Variants in SMAD1 observed in about 807,000 individuals in gnomAD.
The protein encoded by SMAD1 is SMAD family member 1.
SMAD1 carries 6 observed loss-of-function variants against 41.6 expected under a neutral mutation model. The ratio of observed to expected loss-of-function variants is 0.14; its 90% CI spans 0.08 to 0.28. The LOEUF is 0.28. SMAD1 is among the 10% of genes least tolerant of loss of function. SMAD1 has a pLI of 1.00. For missense variants in SMAD1, 379 were observed against 582.6 expected (o/e 0.65, Z 3.60); for synonymous variants, 206 against 203.2 (o/e 1.01, Z -0.12).
intron 1 of SMAD1, chr4:145,497,169 C>T (rs1329928711): frequency 1.3e-5 from 2 of 152,134 alleles, no homozygotes; most frequent in Admixed American, 1.3e-4. Flanking sequence ...ATTGTAGAAG[C>T]AATAGTTAAT....
chr4:145,557,657 C>T, intron 6 of SMAD1, 134 bp from the exon 7 acceptor site: 2 of 609,590 alleles, frequency 3.3e-6, no homozygotes, highest in East Asian at 2.9e-5. Context: ...TTTTTTTCTC[C>T]CCAGGGGCGG....
intron 2 of SMAD1, among the ~76,000 whole-genome samples, chr4:145,516,727 G>A (rs918918411): frequency 1.3e-5 from 2 of 152,164 alleles, no homozygotes; most frequent in Non-Finnish European, 2.9e-5. Context: ...AATGGAAATG[G>A]AGCTAAGAGT....
rs1731819517 is a variant in SMAD1, at chr4:145,539,849, A to G, written c.446A>G (p.Gln149Arg). The G allele has an allele frequency of 6.2e-7, 1 of 1,613,938 alleles. No homozygotes were observed. The highest frequency in any genetic ancestry group is 1.3e-5 in the African/African-American group (1 of 74,876). The change falls in exon 3 of 7, where the codon CAG becomes CGG. Residue 149 changes from glutamine to arginine, a missense_variant. Physicochemically the swap from Gln to Arg is conservative, Grantham distance 43. Coordinates refer to ENST00000302085, the MANE Select transcript of SMAD1 (RefSeq NM_005900.3). Reference sequence around the variant, plus strand: ...CCAAGACACAGCGAATATAATCCTCAGCACAGCCTCTTAGCTCAGTTCCGT... The same window carrying G: ...CCAAGACACAGCGAATATAATCCTCGGCACAGCCTCTTAGCTCAGTTCCGT... ...LVPRHSEYNP[Q>R]HSLLAQFRNL...
At chr4:145,517,243 A>T (rs1002956724) in intron 2 of SMAD1, 2 of 152,362 alleles carry the variant, frequency 1.3e-5, no homozygotes, top group South Asian at 4.1e-4. Flanking sequence ...TTCTCTGGAA[A>T]CATTCCATGC....
At position 145,514,819 on chromosome 4, in the gene SMAD1, G is replaced by A; in HGVS notation, c.206G>A (p.Arg69His). The A allele has an allele frequency of 1.9e-6, 3 of 1,614,044 alleles. No individual in the cohort carries two copies. The highest frequency in any genetic ancestry group is 1.1e-5 in the South Asian group (1 of 91,070). Residue 69 changes from arginine (R) to histidine (H), a missense_variant, in exon 2 of 7, where the codon CGC becomes CAC. Physicochemically the swap from Arg to His is conservative, Grantham distance 29. Around this residue, in one of 3 missense-constraint regions of SMAD1, gnomAD observed 64 missense variants for 153.9 expected, o/e 0.42. Coordinates refer to ENST00000302085, the MANE Select transcript of SMAD1 (RefSeq NM_005900.3). This position sits in a 1 kb window ranked among gnomAD's most constrained non-coding sequence, Gnocchi z 4.7. The stretch of plus-strand genomic sequence containing the variant: ...CCGAGTAACTGTGTCACCATTCCCC[G>A]CTCTCTGGATGGCAGGCTGCAAGTC... ...GQPSNCVTIP[R>H]SLDGRLQVSH...
chr4:145,527,484 A>C (rs1731087081), intron 2 of SMAD1, among the ~76,000 whole-genome samples: 1 of 152,010 alleles, frequency 6.6e-6, no homozygotes, highest in Non-Finnish European at 1.5e-5. Context: ...CGGCCTCCCA[A>C]AGTGCTGGGA....
At position 145,482,234 on chromosome 4, in the gene SMAD1, C is replaced by G. The variant is rs1171335478; in HGVS notation, c.-177+196C>G. ...CGGGGCGGGCCGCGACCCCCCCCCC[C>G]CATGATGGCGCCTCCCGTCTGCTCG... On this transcript the variant is annotated intron_variant, in intron 1 of 6. Coordinates refer to ENST00000302085, the MANE Select transcript of SMAD1 (RefSeq NM_005900.3). The surrounding 1 kb of genome is among the most constrained non-coding windows in gnomAD (Gnocchi z 4.2). Among the ~76,000 whole-genome samples, 1 of 149,570 alleles carries G rather than the reference C, an allele frequency of 6.7e-6. No individual in the cohort carries two copies. The highest frequency in any genetic ancestry group is 1.5e-5 in the Non-Finnish European group (1 of 66,838).
intron 1 of SMAD1, among the ~76,000 whole-genome samples, chr4:145,488,417 CTG>C (rs1191786488): frequency 1.3e-5 from 2 of 151,964 alleles, no homozygotes; most frequent in Non-Finnish European, 2.9e-5. Context: ...GCTCTACAAT[CTG>C]AGATTGTTAG....
intron 1 of SMAD1, among the ~76,000 whole-genome samples, chr4:145,493,850 G>A (rs925221995): frequency 6.6e-6 from 1 of 152,202 alleles, no homozygotes; most frequent in Non-Finnish European, 1.5e-5. Context: ...ATTGGTAAGA[G>A]GAGATTATGC....
intron 1 of SMAD1, among the ~76,000 whole-genome samples, chr4:145,495,294 G>A (rs1243652086): frequency 1.3e-5 from 2 of 152,118 alleles, no homozygotes; most frequent in African/African-American, 4.8e-5. Flanking sequence ...TGCCACACCA[G>A]CACACAGTTT....
chr4:145,546,520 A>G, intron 4 of SMAD1, 183 bp from the exon 5 acceptor site: 1 of 585,014 alleles, frequency 1.7e-6, no homozygotes, highest in East Asian at 2.8e-5. Flanking sequence ...TTAGGAGAAT[A>G]AGGAGAGTGT....
chr4:145,499,243 T>A (rs928265908), intron 1 of SMAD1, among the ~76,000 whole-genome samples: 2 of 152,240 alleles, frequency 1.3e-5, no homozygotes, highest in Admixed American at 1.3e-4. Context: ...AGGACTGATA[T>A]GGCACCACAA....
At chr4:145,494,103 A>T (rs1728926691) in intron 1 of SMAD1, among the ~76,000 whole-genome samples, 1 of 152,018 alleles carries the variant, frequency 6.6e-6, no homozygotes, top group Non-Finnish European at 1.5e-5. Context: ...CTGGGATTGC[A>T]GGTGCCCGCC....
rs373681989 is a variant in SMAD1, at chr4:145,488,120, C to CT, written c.-177+6094dup. On this transcript the variant is annotated intron_variant, in intron 1 of 6. Transcript: ENST00000302085. Reference sequence around the variant, plus strand: ...ATGTTCTTAGTGTTTGAAAAAGGAACTTTTTTTTTTTTAATAAGAACCTAG... The same window carrying CT: ...ATGTTCTTAGTGTTTGAAAAAGGAACTTTTTTTTTTTTTAATAAGAACCTAG... 9.6e-3 allele frequency among the ~76,000 whole-genome samples: 1,385 copies of CT among 144,942 alleles called. 9 individuals carry two copies. Among genetic ancestry groups the CT allele is most frequent in the Non-Finnish European group, 0.015 (964 of 65,542 alleles).
At position 145,482,222 on chromosome 4, in the gene SMAD1, G is replaced by GA. The variant is rs1728219372; in HGVS notation, c.-177+185dup. On this transcript the variant is annotated intron_variant, in intron 1 of 6. Coordinates refer to ENST00000302085, the MANE Select transcript of SMAD1 (RefSeq NM_005900.3). This position sits in a 1 kb window ranked among gnomAD's most constrained non-coding sequence, Gnocchi z 4.2. ...GCTCTTTCTGCGCGGGGCGGGCCGCGACCCCCCCCCCCCATGATGGCGCCT... is the reference window on the plus strand; with the variant it reads ...GCTCTTTCTGCGCGGGGCGGGCCGCGAACCCCCCCCCCCCATGATGGCGCCT... Among the ~76,000 whole-genome samples, 5 of 117,498 alleles carry GA rather than the reference G, an allele frequency of 4.3e-5. No homozygotes were observed. Among genetic ancestry groups the GA allele is most frequent in the Admixed American group, 4.1e-4 (5 of 12,150 alleles). 77.1% of individuals were successfully genotyped at this position (117,498 alleles called of 152,430 possible). A position where few individuals can be genotyped will look rare whatever the true frequency, so the allele number is the denominator to read the frequency against.
intron 2 of SMAD1, among the ~76,000 whole-genome samples, chr4:145,536,862 A>G (rs1014650574): frequency 6.6e-6 from 1 of 152,190 alleles, no homozygotes; most frequent in Admixed American, 6.5e-5. Context: ...TTAAACCTCA[A>G]ACAGGCAGAC....
intron 1 of SMAD1, among the ~76,000 whole-genome samples, chr4:145,486,938 G>T (rs1359154703): frequency 6.6e-6 from 1 of 152,110 alleles, no homozygotes; most frequent in Non-Finnish European, 1.5e-5. Context: ...AGGCTTTGGT[G>T]TAAGCATATC....
chr4:145,553,910 C>G lies in SMAD1; in HGVS notation c.1124C>G (p.Pro375Arg), dbSNP rs771262658. The G allele has an allele frequency of 1.9e-6, 3 of 1,614,044 alleles. No individual in the cohort carries two copies. Among genetic ancestry groups the G allele is most frequent in the Non-Finnish European group, 1.7e-6 (2 of 1,179,994 alleles). ...GFHPTTVCKI[P>R]SGCSLKIFNN... ...CATCCTACTACTGTTTGCAAGATCC[C>G]TAGTGGGTGTAGTCTGAAAATTTTT... Residue 375 changes from proline to arginine, a missense_variant, in exon 6 of 7, where the codon CCT becomes CGT. Pro to Arg is a moderately radical substitution (Grantham distance 103). Transcript: ENST00000302085.
intron 2 of SMAD1, among the ~76,000 whole-genome samples, chr4:145,531,836 T>C (rs868227165): frequency 1.3e-5 from 2 of 152,160 alleles, no homozygotes; most frequent in African/African-American, 4.8e-5. Context: ...TTTTTTTTTT[T>C]TCTGTTACTT....
Sources: gnomAD v4.1 joint callset for allele counts (sites outside exome capture counted in the v4.1 genomes callset) on GRCh38, gnomAD v4.1.1 for gene constraint, gnomAD v4.1.1 regional missense constraint, Gnocchi (gnomAD v3.1) non-coding constraint, MANE v1.5 for transcripts, NCBI Gene and HGNC (gene_info 2026-07-23, HGNC 2026-07-21) for gene names.